The following NAV2 variants were observed in gnomAD, a reference collection of about 807,000 sequenced individuals.
NAV2 encodes helicase, APC down-regulated 1.
A neutral mutation model predicts 223.2 loss-of-function variants in NAV2; 54 were observed. That is an observed-to-expected ratio of 0.24 (90% CI 0.19 to 0.30). The LOEUF (loss-of-function observed/expected upper bound fraction) is 0.30. Among genes scored for constraint, NAV2 ranks in the 10% least tolerant of loss-of-function variants. The pLI, the probability that NAV2 is intolerant of heterozygous loss-of-function variation, is 1.00. For missense variants in NAV2, 2,806 were observed against 3,147.5 expected, an observed-to-expected ratio of 0.89 and a Z score of 2.60; for synonymous variants, 1,279 against 1,239.3, an observed-to-expected ratio of 1.03 and a Z score of -0.67.
chr11:19,601,591 A>T (rs1171307634), intron 1 of NAV2, among the ~76,000 whole-genome samples: 2 of 152,156 alleles, frequency 1.3e-5, no homozygotes, highest in African/African-American at 4.8e-5. Context: ...AAATGGGAAC[A>T]GGCAGAACAA....
chr11:19,599,346 C>T (rs1485392285), intron 1 of NAV2, among the ~76,000 whole-genome samples: 2 of 152,180 alleles, frequency 1.3e-5, no homozygotes, highest in African/African-American at 4.8e-5. Flanking sequence ...TTCCTTCTTA[C>T]CTCCTGTTCA....
chr11:19,970,212 A>G (rs1360325347), intron 10 of NAV2, among the ~76,000 whole-genome samples: 1 of 152,146 alleles, frequency 6.6e-6, no homozygotes, highest in African/African-American at 2.4e-5. Context: ...TCTGTTGCCC[A>G]GGGTGGAGTG....
chr11:19,621,866 C>A (rs188827252), intron 1 of NAV2, among the ~76,000 whole-genome samples: 2,867 of 152,272 alleles, frequency 0.019, 42 homozygotes, highest in Non-Finnish European at 0.03. Flanking sequence ...AATTTTAGAT[C>A]TTTCCTGCTT....
chr11:19,439,450 G>A (rs900770679), intron 1 of NAV2, among the ~76,000 whole-genome samples: 3 of 151,998 alleles, frequency 2.0e-5, no homozygotes, highest in Non-Finnish European at 2.9e-5. Flanking sequence ...TAATCACACC[G>A]GTCCTTAGAA....
intron 1 of NAV2, among the ~76,000 whole-genome samples, chr11:19,732,141 C>T (rs1373536224): frequency 6.6e-6 from 1 of 152,056 alleles, no homozygotes; most frequent in East Asian, 1.9e-4. Context: ...TAGTCAGTCT[C>T]CCTGCTACTC....
In NAV2 at chr11:20,044,982, G is replaced by A. The variant is rs751815417; in HGVS notation, c.3214G>A (p.Ala1072Thr). 22 of 1,611,470 alleles carry A rather than the reference G, an allele frequency of 1.4e-5. No individual in the cohort carries two copies. The highest frequency in any genetic ancestry group is 8.9e-5 in the East Asian group (4 of 44,840). ...KTPGTGKTDDAKVSEKGRLSP... is the reference protein window; with the variant it reads ...KTPGTGKTDDTKVSEKGRLSP... ...CTCTCTCTTAGGAAAAACAGACGAC[G>A]CAAAGGTGTCTGAGAAAGGAAGGCT... Residue 1072 changes from alanine (A) to threonine (T), a missense_variant, in exon 14 of 38, where the codon GCA becomes ACA. Ala to Thr is a moderately conservative substitution (Grantham distance 58). Transcript: ENST00000349880.
chr11:19,799,038 C>T (rs2152759759), intron 1 of NAV2, among the ~76,000 whole-genome samples: 1 of 152,298 alleles, frequency 6.6e-6, no homozygotes, highest in Non-Finnish European at 1.5e-5. Flanking sequence ...TCCTGCAAGA[C>T]CATGCCAAGG....
At chr11:19,672,928 GTGTT>G (rs1330692312) in intron 1 of NAV2, among the ~76,000 whole-genome samples, 1 of 152,216 alleles carries the variant, frequency 6.6e-6, no homozygotes, top group Non-Finnish European at 1.5e-5. Flanking sequence ...AGATTTGTAA[GTGTT>G]TGTGTGTTTG....
intron 1 of NAV2, among the ~76,000 whole-genome samples, chr11:19,523,058 A>G (rs998040995): frequency 2.6e-5 from 4 of 152,204 alleles, no homozygotes; most frequent in Non-Finnish European, 5.9e-5. Context: ...CATCCAGAGG[A>G]AGCAGGTGTT....
chr11:19,456,097 T>C (rs1027963431), intron 1 of NAV2, among the ~76,000 whole-genome samples: 7 of 152,224 alleles, frequency 4.6e-5, no homozygotes, highest in African/African-American at 1.7e-4. Context: ...CCAAGCAACC[T>C]GGATTGCTCC....
At chr11:20,023,469 G>A (rs1412579392) in intron 11 of NAV2, among the ~76,000 whole-genome samples, 1 of 152,084 alleles carries the variant, frequency 6.6e-6, no homozygotes, top group African/African-American at 2.4e-5. Context: ...TTAGGCTACT[G>A]AGCCCGAAAA....
intron 3 of NAV2, 40 bp from the exon 4 acceptor site, chr11:19,868,885 G>T: frequency 2.5e-6 from 4 of 1,601,322 alleles, no homozygotes; most frequent in South Asian, 1.1e-5. Flanking sequence ...TGGAGAGGCT[G>T]AACATTTATT....
At chr11:19,913,886 A>G (rs1340081540) in intron 6 of NAV2, among the ~76,000 whole-genome samples, 1 of 152,160 alleles carries the variant, frequency 6.6e-6, no homozygotes, top group Non-Finnish European at 1.5e-5. Context: ...TCCAAAAACT[A>G]CTACAACTCT....
At chr11:19,997,783 C>T (rs780330719) in intron 11 of NAV2, among the ~76,000 whole-genome samples, 17 of 152,102 alleles carry the variant, frequency 1.1e-4, no homozygotes, top group South Asian at 2.1e-4. Flanking sequence ...GTTGACTAGT[C>T]GGTAGATCCA....
intron 1 of NAV2, among the ~76,000 whole-genome samples, chr11:19,509,841 C>T (rs1257980041): frequency 2.7e-5 from 4 of 147,808 alleles, no homozygotes; most frequent in African/African-American, 5.0e-5. Context: ...TCACCCAAAA[C>T]ATCCAACTGG....
At chr11:19,347,177 C>T (rs1853056523), upstream of NAV2, among the ~76,000 whole-genome samples, 3 of 152,204 alleles carry the variant, frequency 2.0e-5, no homozygotes, top group Admixed American at 2.0e-4. Flanking sequence ...CAAAGCTGGG[C>T]TCACAATTCC....
At chr11:20,013,375 G>A (rs2053731663) in intron 11 of NAV2, among the ~76,000 whole-genome samples, 1 of 152,126 alleles carries the variant, frequency 6.6e-6, no homozygotes, top group African/African-American at 2.4e-5. Flanking sequence ...AGAGACTAAT[G>A]GTCAAATGGA....
intron 1 of NAV2, among the ~76,000 whole-genome samples, chr11:19,828,786 G>T (rs2059786153): frequency 6.6e-6 from 1 of 152,218 alleles, no homozygotes; most frequent in Non-Finnish European, 1.5e-5. Context: ...CGGGTAATTA[G>T]ATTAGAGCTG....
At position 19,780,780 on chromosome 11, in the gene NAV2, G is replaced by T. The variant is rs1221695214; in HGVS notation, c.268-51704G>T. ...ATATGATGACGGACGAGATGAACCA[G>T]TAGTGTGTGCATTTCTCCACACACA... is the stretch of plus-strand genomic sequence containing the variant. On this transcript the variant is annotated intron_variant, in intron 1 of 37. Coordinates refer to ENST00000349880, the MANE Select transcript of NAV2 (RefSeq NM_145117.5). Among the ~76,000 whole-genome samples the T allele has an allele frequency of 9.9e-5, 15 of 152,184 alleles. No homozygotes were observed. The East Asian group carries it at 2.9e-3, about 29-fold the overall frequency.
Sources: allele counts gnomAD v4.1 joint callset (sites outside exome capture counted in the v4.1 genomes callset), GRCh38; gene constraint gnomAD v4.1.1; transcripts MANE v1.5; gene names NCBI Gene and HGNC (gene_info 2026-07-23, HGNC 2026-07-21).